BRD3: variants seen among roughly 807,000 people sequenced by gnomAD.
BRD3 encodes bromodomain-containing protein 3.
Under a neutral mutation model 66.8 loss-of-function variants are expected in BRD3, and 17 were observed. The observed-to-expected ratio is 0.25, with a 90% CI of 0.17 to 0.38. BRD3 has a LOEUF of 0.38. BRD3 is among the 10% of genes least tolerant of loss of function. The probability of loss-of-function intolerance (pLI) is 1.00; values close to 1 mark genes in which losing one functional copy is unlikely to be tolerated. For synonymous variants in BRD3, 421 were observed against 393.2 expected, an observed-to-expected ratio of 1.07 and a Z score of -0.84; for missense variants, 713 against 956.1, an observed-to-expected ratio of 0.75 and a Z score of 3.35.
intron 9 of BRD3, among the ~76,000 whole-genome samples, chr9:134,038,228 C>T (rs1228051087): frequency 1.3e-5 from 2 of 150,710 alleles, no homozygotes; most frequent in Admixed American, 6.6e-5. Flanking sequence ...GATCTCGGCT[C>T]ACTGCAACCT....
intron 1 of BRD3, among the ~76,000 whole-genome samples, chr9:134,065,772 G>A (rs2506715): frequency 0.32 from 48,791 of 152,058 alleles, 8,054 homozygotes; most frequent in East Asian, 0.54. Context: ...GGAAAGTGGT[G>A]GCACTTCCTG....
intron 4 of BRD3, among the ~76,000 whole-genome samples, 176 bp from the exon 5 acceptor site, chr9:134,050,764 G>C (rs1230582187): frequency 6.6e-6 from 1 of 152,062 alleles, no homozygotes; most frequent in African/African-American, 2.4e-5. Flanking sequence ...GGCAGGGTTG[G>C]TCTGGCTCAT....
chr9:134,039,930 G>A, intron 9 of BRD3, 104 bp downstream of exon 9: 1 of 1,477,368 alleles, frequency 6.8e-7, no homozygotes. Context: ...CTGGTTTCCA[G>A]GTGGCCAAGG....
chr9:134,065,126 G>A (rs1021686545), intron 1 of BRD3, among the ~76,000 whole-genome samples: 27 of 152,154 alleles, frequency 1.8e-4, no homozygotes, highest in African/African-American at 6.5e-4. Context: ...CTGGCTTCGT[G>A]ATATAAGGGA....
intron 1 of BRD3, among the ~76,000 whole-genome samples, chr9:134,060,636 T>C (rs1830520583): frequency 6.7e-6 from 1 of 148,350 alleles, no homozygotes; most frequent in African/African-American, 2.6e-5. Context: ...TGGAATGCCA[T>C]GGAGATTTCC....
chr9:134,034,920 G>A, intron 10 of BRD3, 91 bp from the exon 11 acceptor site: 1 of 1,559,322 alleles, frequency 6.4e-7, no homozygotes, highest in Non-Finnish European at 8.7e-7. Flanking sequence ...CCCCAGCCCT[G>A]CACACTGGCA....
chr9:134,062,636 AAT>A (rs1830569002), intron 1 of BRD3, among the ~76,000 whole-genome samples: 1 of 152,096 alleles, frequency 6.6e-6, no homozygotes, highest in Admixed American at 6.5e-5. Context: ...CCACTCCTCG[AAT>A]AGAGAGGACT....
intron 10 of BRD3, 92 bp from the exon 11 acceptor site, chr9:134,034,921 C>T (rs1843576942): frequency 6.4e-7 from 1 of 1,559,504 alleles, no homozygotes; most frequent in Non-Finnish European, 8.7e-7. Flanking sequence ...CCCAGCCCTG[C>T]ACACTGGCAT....
At position 134,056,495 on chromosome 9, in the gene BRD3, C is replaced by T. The variant is rs114237882; in HGVS notation, c.-113-2905G>A. On this transcript the variant is annotated intron_variant, in intron 1 of 11. Coordinates refer to ENST00000303407, the MANE Select transcript of BRD3 (RefSeq NM_007371.4). Reference sequence around the variant, plus strand: ...ATTTTGCAAAAACTCGAGGACAACACGATGCCATGATAAGTGGCCCTGCCT... The same window carrying T: ...ATTTTGCAAAAACTCGAGGACAACATGATGCCATGATAAGTGGCCCTGCCT... 3.0e-3 allele frequency among the ~76,000 whole-genome samples: 453 copies of T among 152,332 alleles called. 2 individuals are homozygous for T. The highest frequency in any genetic ancestry group is 0.01 in the African/African-American group (430 of 41,582).
In BRD3 at chr9:134,053,417, G is replaced by T. The variant is rs1451944580; in HGVS notation, c.61C>A (p.Pro21Thr). 3 of 1,612,378 alleles carry T rather than the reference G, an allele frequency of 1.9e-6. No homozygotes were observed. In the South Asian group the frequency reaches 3.3e-5, roughly 18 times the overall value. The change falls in exon 2 of 12, where the codon CCA becomes ACA. Residue 21 changes from proline to threonine, a missense_variant. By Grantham distance (38) the Pro-to-Thr change is conservative (BLOSUM62 -1). Around this residue, in one of 5 missense-constraint regions of BRD3, gnomAD observed 48 missense variants for 42.5 expected, o/e 1.13. Coordinates refer to ENST00000303407, the MANE Select transcript of BRD3 (RefSeq NM_007371.4). ...GIPATPGPVNPPPPEVSNPSK... is the reference protein window; with the variant it reads ...GIPATPGPVNTPPPEVSNPSK... ...GGGTTGGAGACCTCCGGGGGGGGTGGGTTCACAGGGCCCGGGGTCGCCGGG... is the reference window on the plus strand; with the variant it reads ...GGGTTGGAGACCTCCGGGGGGGGTGTGTTCACAGGGCCCGGGGTCGCCGGG...
intron 11 of BRD3, 41 bp downstream of exon 11, chr9:134,034,660 A>AC (rs535547843): frequency 1.6e-5 from 26 of 1,597,066 alleles, no homozygotes; most frequent in Middle Eastern, 1.6e-4. Flanking sequence ...GACACCCCCC[A>AC]CCCCCCTAAA....
intron 1 of BRD3, among the ~76,000 whole-genome samples, chr9:134,054,911 C>T (rs1396723569): frequency 6.6e-6 from 1 of 152,278 alleles, no homozygotes; most frequent in East Asian, 1.9e-4. Flanking sequence ...CTTCAAACTA[C>T]ACGCAACACA....
rs773144321 is a variant in BRD3 at position 134,034,711 on chromosome 9, G to A, written c.2055C>T (p.Pro685=). 3.4e-5 allele frequency: 55 copies of A among 1,605,194 alleles called. No homozygotes were observed. Among genetic ancestry groups the A allele is most frequent in the Non-Finnish European group, 4.0e-5 (47 of 1,179,922 alleles). Residue 685 remains proline, a synonymous_variant, in exon 11 of 12, where the codon CCC becomes CCT. Coordinates refer to ENST00000303407, the MANE Select transcript of BRD3 (RefSeq NM_007371.4). ...GGCCGCCAGCGGTACCTTTCCGGGC[G>A]GGCTTCTTGCTGCTGCTCAGCTGCC... ...VSGQLSSSKK[P]ARKEKPGSAP... is the part of the protein sequence containing the mutation.
At chr9:134,041,618 A>T in intron 8 of BRD3, 142 bp downstream of exon 8, 1 of 1,139,700 alleles carries the variant, frequency 8.8e-7, no homozygotes, top group Non-Finnish European at 1.2e-6. Flanking sequence ...GGGCACTCCG[A>T]GTGTCTTTAC....
At chr9:134,051,283 G>A (rs187788992) in intron 4 of BRD3, among the ~76,000 whole-genome samples, 35 of 152,330 alleles carry the variant, frequency 2.3e-4, no homozygotes, top group South Asian at 1.0e-3. Flanking sequence ...GCAGGATTTG[G>A]GAGGTGGAGA....
In BRD3 at chr9:134,033,418, A is replaced by C; in HGVS notation, c.*172T>G. 1 of 549,546 alleles carries C rather than the reference A, an allele frequency of 1.8e-6. No individual in the cohort carries two copies. Among genetic ancestry groups the C allele is most frequent in the Non-Finnish European group, 3.2e-6 (1 of 307,820 alleles). 34.0% of individuals were successfully genotyped at this position (549,546 alleles called of 1,614,324 possible). A position where few individuals can be genotyped will look rare whatever the true frequency, so the allele number is the denominator to read the frequency against. Reference sequence around the variant, plus strand: ...CACCTTCTCATCAAGTCTAACGCACACACAAGATAGATCTCTGACCTATGA... The same window carrying C: ...CACCTTCTCATCAAGTCTAACGCACCCACAAGATAGATCTCTGACCTATGA... On this transcript the variant is annotated 3_prime_UTR_variant, in exon 12 of 12. Coordinates refer to ENST00000303407, the MANE Select transcript of BRD3 (RefSeq NM_007371.4). This position sits in a 1 kb window ranked among gnomAD's most constrained non-coding sequence, Gnocchi z 5.1.
Position 134,041,913 on chromosome 9 carries a change from C to T in BRD3, c.1254G>A (p.Glu418=). ...CAGGCAGCGCCGGTGCCTCCACGGG[C>T]TCATCTGGCATCTTGGCAAACCTCA... ...FEMRFAKMPD[E]PVEAPALPAP... is the part of the protein sequence containing the mutation. Residue 418 remains glutamate, a synonymous_variant, in exon 8 of 12, where the codon GAG becomes GAA. Coordinates refer to ENST00000303407, the MANE Select transcript of BRD3 (RefSeq NM_007371.4). 1 of 1,605,376 alleles carries T rather than the reference C, an allele frequency of 6.2e-7. No homozygotes were observed. The highest frequency in any genetic ancestry group is 8.5e-7 in the Non-Finnish European group (1 of 1,175,068).
chr9:134,052,218 A>G, intron 3 of BRD3, 88 bp downstream of exon 3: 1 of 1,527,344 alleles, frequency 6.5e-7, no homozygotes, highest in Non-Finnish European at 8.8e-7. Context: ...GGCCTGCCCA[A>G]GAGCTGCTGC....
chr9:134,053,646 C>T, intron 1 of BRD3, 56 bp from the exon 2 acceptor site: 9 of 1,413,648 alleles, frequency 6.4e-6, no homozygotes, highest in South Asian at 1.5e-5. Context: ...GGACCCCCAC[C>T]TCTCCCAGCC....
Sources: allele counts gnomAD v4.1 joint callset (sites outside exome capture counted in the v4.1 genomes callset), GRCh38; gene constraint gnomAD v4.1.1; regional missense constraint gnomAD v4.1.1; non-coding constraint Gnocchi (gnomAD v3.1); transcripts MANE v1.5; gene names NCBI Gene and HGNC (gene_info 2026-07-23, HGNC 2026-07-21).